SPON1: variants seen among roughly 807,000 people sequenced by gnomAD.
SPON1 encodes spondin 1.
Under a neutral mutation model 111.7 loss-of-function variants are expected in SPON1, and 52 were observed. The ratio of observed to expected loss-of-function variants is 0.47; its 90% CI spans 0.37 to 0.59. The LOEUF is 0.59. Ranked by LOEUF, SPON1 falls within the 20% of genes least tolerant of loss-of-function variation. The pLI is 0.00. For synonymous variants in SPON1, 410 were observed against 395.8 expected (o/e 1.04, Z -0.43); for missense variants, 957 against 1,068.5 (o/e 0.90, Z 1.46).
intron 2 of SPON1, among the ~76,000 whole-genome samples, chr11:14,003,946 C>G (rs117173824): frequency 1.3e-5 from 2 of 152,210 alleles, no homozygotes; most frequent in East Asian, 3.9e-4. Context: ...TTCTCTACCC[C>G]CTTTGATAAT....
At chr11:14,026,411 T>C (rs781958773) in intron 2 of SPON1, among the ~76,000 whole-genome samples, 1 of 152,230 alleles carries the variant, frequency 6.6e-6, no homozygotes, top group Non-Finnish European at 1.5e-5. Flanking sequence ...ATGTGTACCA[T>C]ATTCAGTAAG....
intron 6 of SPON1, among the ~76,000 whole-genome samples, chr11:14,200,728 T>C (rs1226724985): frequency 7.2e-6 from 1 of 139,050 alleles, no homozygotes; most frequent in African/African-American, 2.8e-5. Flanking sequence ...AGCACAAGAA[T>C]AGCTTGAACC....
intron 2 of SPON1, among the ~76,000 whole-genome samples, chr11:13,993,583 A>G (rs1848248541): frequency 6.6e-6 from 1 of 151,910 alleles, no homozygotes; most frequent in Admixed American, 6.6e-5. Flanking sequence ...CAGGCACTTC[A>G]TTCCTCCTCC....
intron 5 of SPON1, among the ~76,000 whole-genome samples, chr11:14,080,454 C>T (rs4757222): frequency 0.01 from 1,524 of 152,224 alleles, 13 homozygotes; most frequent in Middle Eastern, 0.027. Flanking sequence ...GTCTTGAACA[C>T]CTGACCTCAG....
chr11:14,069,056 A>G (rs1021660660), intron 3 of SPON1, among the ~76,000 whole-genome samples: 2 of 152,208 alleles, frequency 1.3e-5, no homozygotes, highest in Admixed American at 6.5e-5. Context: ...ACCATATATG[A>G]ATCTACAATA....
At chr11:14,262,100 G>A (rs1462373278) in intron 14 of SPON1, among the ~76,000 whole-genome samples, 2 of 152,144 alleles carry the variant, frequency 1.3e-5, no homozygotes, top group Non-Finnish European at 2.9e-5. Flanking sequence ...ACTGGATCTC[G>A]ATAAACCATA....
At chr11:14,223,630 G>A (rs1487342270) in intron 6 of SPON1, among the ~76,000 whole-genome samples, 1 of 152,310 alleles carries the variant, frequency 6.6e-6, no homozygotes, top group African/African-American at 2.4e-5. Context: ...AGGCTTTTGT[G>A]AGTGTGAAAA....
intron 2 of SPON1, among the ~76,000 whole-genome samples, chr11:14,038,125 C>G (rs1240912822): frequency 3.3e-5 from 5 of 151,866 alleles, no homozygotes; most frequent in Non-Finnish European, 5.9e-5. Context: ...GAGATCGTGC[C>G]ACTGCACTCC....
intron 2 of SPON1, among the ~76,000 whole-genome samples, chr11:13,986,468 C>T (rs1408428972): frequency 6.6e-6 from 1 of 151,798 alleles, no homozygotes; most frequent in Non-Finnish European, 1.5e-5. Context: ...TTCAGGTATC[C>T]CGTCACTTTG....
chr11:14,031,660 ATT>A (rs5789818), intron 2 of SPON1, among the ~76,000 whole-genome samples: 3,599 of 151,080 alleles, frequency 0.024, 133 homozygotes, highest in African/African-American at 0.081. Flanking sequence ...ACAGTGGAGG[ATT>A]TTTTTTTTTC....
chr11:14,249,642 T>C (rs1396592500), intron 7 of SPON1, among the ~76,000 whole-genome samples: 1 of 152,232 alleles, frequency 6.6e-6, no homozygotes, highest in Non-Finnish European at 1.5e-5. Context: ...TGAGTCTCAC[T>C]GGTGTGGATC....
chr11:14,261,500 A>G (rs182201953), intron 14 of SPON1, among the ~76,000 whole-genome samples: 92 of 152,316 alleles, frequency 6.0e-4, no homozygotes, highest in African/African-American at 2.1e-3. Context: ...ATAGCAGGAA[A>G]TACTTCCTAG....
chr11:14,070,602 A>G (rs1564898245), intron 3 of SPON1, among the ~76,000 whole-genome samples: 1 of 152,196 alleles, frequency 6.6e-6, no homozygotes, highest in Non-Finnish European at 1.5e-5. Flanking sequence ...AATTGTCTCT[A>G]TATGGCTGTG....
At chr11:14,158,404 A>C (rs551289206) in intron 6 of SPON1, among the ~76,000 whole-genome samples, 1 of 152,278 alleles carries the variant, frequency 6.6e-6, no homozygotes, top group South Asian at 2.1e-4. Context: ...TTCCTTCACC[A>C]TGACTCTTAC....
intron 6 of SPON1, among the ~76,000 whole-genome samples, chr11:14,176,541 T>C (rs1848177488): frequency 6.6e-6 from 1 of 151,922 alleles, no homozygotes; most frequent in South Asian, 2.1e-4. Context: ...CACCCCACCA[T>C]AGGGCTACAG....
chr11:13,990,516 C>G (rs1405935001), intron 2 of SPON1, among the ~76,000 whole-genome samples: 1 of 149,700 alleles, frequency 6.7e-6, no homozygotes, highest in Non-Finnish European at 1.5e-5. Context: ...GGGTCTTGAC[C>G]ATTTATCCAA....
At chr11:14,231,084 A>C (rs1321128535) in intron 6 of SPON1, among the ~76,000 whole-genome samples, 1 of 150,632 alleles carries the variant, frequency 6.6e-6, no homozygotes, top group Non-Finnish European at 1.5e-5. Context: ...AAGTGCTGGG[A>C]TTACAGGCAT....
intron 6 of SPON1, among the ~76,000 whole-genome samples, chr11:14,190,597 TTCCTTCC>T (rs1202473758): frequency 3.3e-5 from 5 of 151,610 alleles, no homozygotes; most frequent in Admixed American, 6.6e-5. Context: ...TCCATCCTTC[TTCCTTCC>T]TCCTTCCTCC....
At chr11:14,197,383 C>T (rs1554935187) in intron 6 of SPON1, among the ~76,000 whole-genome samples, 1 of 151,842 alleles carries the variant, frequency 6.6e-6, no homozygotes, top group South Asian at 2.1e-4. Flanking sequence ...AAGCACAGGA[C>T]TAAATTTAAG....
Sources: gnomAD v4.1 joint callset for allele counts (sites outside exome capture counted in the v4.1 genomes callset) on GRCh38, gnomAD v4.1.1 for gene constraint, MANE v1.5 for transcripts, NCBI Gene and HGNC (gene_info 2026-07-23, HGNC 2026-07-21) for gene names.